Variants in AHI1 observed in about 807,000 individuals in gnomAD.
AHI1 encodes jouberin.
A neutral mutation model predicts 149.3 loss-of-function variants in AHI1; 123 were observed. The observed-to-expected ratio is 0.82, with a 90% CI of 0.71 to 0.96. AHI1 has a LOEUF of 0.96. Ranked by LOEUF, AHI1 falls within the 40% of genes least tolerant of loss-of-function variation. The pLI, the probability that AHI1 is intolerant of heterozygous loss-of-function variation, is 0.00. For missense variants in AHI1, 1,439 were observed against 1,422.7 expected (o/e 1.01, Z -0.18); for synonymous variants, 475 against 459.8 (o/e 1.03, Z -0.42).
At chr6:135,369,886 T>C (rs1163344147) in intron 23 of AHI1, among the ~76,000 whole-genome samples, 3 of 152,178 alleles carry the variant, frequency 2.0e-5, no homozygotes, top group African/African-American at 4.8e-5. Context: ...GAAATGGAAA[T>C]CCTGACTTCC....
chr6:135,377,662 G>A (rs949453322), intron 23 of AHI1, among the ~76,000 whole-genome samples: 1 of 151,752 alleles, frequency 6.6e-6, no homozygotes. Context: ...AAATTTTTTT[G>A]TAGTAACGGG....
intron 5 of AHI1, among the ~76,000 whole-genome samples, chr6:135,486,538 G>C (rs915783912): frequency 1.3e-5 from 2 of 152,068 alleles, no homozygotes; most frequent in Non-Finnish European, 2.9e-5. Context: ...GAACTATCTG[G>C]CTGAGATAGG....
intron 5 of AHI1, among the ~76,000 whole-genome samples, chr6:135,478,617 G>A (rs1046373244): frequency 3.9e-5 from 6 of 152,230 alleles, no homozygotes; most frequent in Admixed American, 1.3e-4. Context: ...AGCAGAGCAC[G>A]AAAGTTTGGA....
intron 24 of AHI1, among the ~76,000 whole-genome samples, chr6:135,340,656 TA>T (rs1562533269): frequency 1.7e-5 from 1 of 59,048 alleles, no homozygotes; most frequent in African/African-American, 1.6e-4. Flanking sequence ...TATACATACA[TA>T]CATATATATA....
intron 26 of AHI1, among the ~76,000 whole-genome samples, chr6:135,309,664 A>T (rs1784926056): frequency 6.6e-6 from 1 of 152,074 alleles, no homozygotes; most frequent in African/African-American, 2.4e-5. Flanking sequence ...TATTTTTAGT[A>T]GAAACGGGGG....
At chr6:135,343,624 ACC>A in intron 24 of AHI1, among the ~76,000 whole-genome samples, 1 of 150,706 alleles carries the variant, frequency 6.6e-6, no homozygotes. Context: ...GGGTGCCAAG[ACC>A]ATTAAAAGGA....
At chr6:135,444,327 T>C (rs1786815007) in intron 13 of AHI1, among the ~76,000 whole-genome samples, 1 of 152,132 alleles carries the variant, frequency 6.6e-6, no homozygotes, top group Non-Finnish European at 1.5e-5. Flanking sequence ...ATTCCTCACA[T>C]CCCTCACAAT....
At chr6:135,385,160 C>A (rs1379419588) in intron 23 of AHI1, among the ~76,000 whole-genome samples, 1 of 152,128 alleles carries the variant, frequency 6.6e-6, no homozygotes, top group African/African-American at 2.4e-5. Flanking sequence ...GTTACACCAG[C>A]CTCTAGCTAC....
At chr6:135,338,017 G>A (rs1486253823) in intron 24 of AHI1, among the ~76,000 whole-genome samples, 1 of 152,124 alleles carries the variant, frequency 6.6e-6, no homozygotes, top group Non-Finnish European at 1.5e-5. Flanking sequence ...AACATCCCTG[G>A]CTGGGCGCGG....
chr6:135,420,321 G>C (rs535582970), intron 20 of AHI1, among the ~76,000 whole-genome samples: 1 of 152,258 alleles, frequency 6.6e-6, no homozygotes, highest in African/African-American at 2.4e-5. Flanking sequence ...GTCAGCTATG[G>C]ACTTACGAAA....
intron 24 of AHI1, among the ~76,000 whole-genome samples, chr6:135,352,734 CACAATATATATACACACACAT>C (rs1323046691): frequency 2.0e-5 from 3 of 147,998 alleles, no homozygotes; most frequent in Admixed American, 1.3e-4. Flanking sequence ...CACACACACA[CACAATATATATACACACACAT>C]ATATATATGT....
At chr6:135,448,026 C>T (rs748694029) in intron 12 of AHI1, among the ~76,000 whole-genome samples, 9 of 152,174 alleles carry the variant, frequency 5.9e-5, no homozygotes, top group South Asian at 2.1e-4. Flanking sequence ...TTTTCAACTC[C>T]TGCTTTAAAT....
rs145205536 is a variant in AHI1 at position 135,292,102 on chromosome 6, A to G, written c.3486-1577T>C. ...AGGTGAAATATGTAAATATCTGGGC[A>G]GCTAATTACACACACACACACACAC... is the stretch of plus-strand genomic sequence containing the variant. On this transcript the variant is annotated intron_variant, in intron 27 of 28. Coordinates refer to ENST00000265602, the MANE Select transcript of AHI1 (RefSeq NM_001134831.2). 2.3e-3 allele frequency among the ~76,000 whole-genome samples: 335 copies of G among 145,454 alleles called. 1 individual carries two copies. The highest frequency in any genetic ancestry group is 8.9e-3 in the African/African-American group (319 of 35,732).
At chr6:135,383,437 G>T (rs1192874006) in intron 23 of AHI1, among the ~76,000 whole-genome samples, 2 of 138,592 alleles carry the variant, frequency 1.4e-5, no homozygotes, top group Non-Finnish European at 3.0e-5. Context: ...GGGTCCCACT[G>T]TGTGGCCCAG....
At chr6:135,358,735 G>T (rs1032696249) in intron 23 of AHI1, among the ~76,000 whole-genome samples, 1 of 152,084 alleles carries the variant, frequency 6.6e-6, no homozygotes, top group Non-Finnish European at 1.5e-5. Flanking sequence ...AACACAGATG[G>T]CTAATCTTGA....
In AHI1 at chr6:135,381,822, C is replaced by T. The variant is rs1490794423; in HGVS notation, c.3109+12954G>A. Among the ~76,000 whole-genome samples, 4 of 152,192 alleles carry T rather than the reference C, an allele frequency of 2.6e-5. No homozygotes were observed. In the South Asian group the frequency reaches 6.2e-4, roughly 24 times the overall value. On this transcript the variant is annotated intron_variant, in intron 23 of 28. Transcript: ENST00000265602. ...ACTCCCCAGATAGACTGGAAAGCCT[C>T]TGAGGGCTTTCATCTTCCATTTCTC...
intron 23 of AHI1, among the ~76,000 whole-genome samples, chr6:135,393,732 A>G (rs1433388508): frequency 6.6e-6 from 1 of 152,148 alleles, no homozygotes; most frequent in African/African-American, 2.4e-5. Context: ...TCATGTTTAC[A>G]ATATAAATAT....
At chr6:135,296,148 C>A (rs1043396173) in intron 27 of AHI1, among the ~76,000 whole-genome samples, 1 of 152,226 alleles carries the variant, frequency 6.6e-6, no homozygotes, top group Non-Finnish European at 1.5e-5. Context: ...AGCCACCGCG[C>A]CTGGCCGCAA....
intron 26 of AHI1, among the ~76,000 whole-genome samples, chr6:135,309,772 G>A (rs1020441799): frequency 4.6e-5 from 7 of 152,006 alleles, no homozygotes; most frequent in Non-Finnish European, 8.8e-5. Flanking sequence ...GTGAGCCACC[G>A]CGCCCGCCCG....
Sources: allele counts gnomAD v4.1 joint callset (sites outside exome capture counted in the v4.1 genomes callset), GRCh38; gene constraint gnomAD v4.1.1; transcripts MANE v1.5; gene names NCBI Gene and HGNC (gene_info 2026-07-23, HGNC 2026-07-21).